IMPG2: variants seen among roughly 807,000 people sequenced by gnomAD.
IMPG2 encodes the protein IPM 200.
Under a neutral mutation model 129.2 loss-of-function variants are expected in IMPG2, and 91 were observed. The ratio of observed to expected loss-of-function variants is 0.70; its 90% CI spans 0.59 to 0.84. The LOEUF is 0.84. Ranked by LOEUF, IMPG2 falls within the 40% of genes least tolerant of loss-of-function variation. IMPG2 has a pLI of 0.00. For synonymous variants in IMPG2, 510 were observed against 517.7 expected, an observed-to-expected ratio of 0.99 and a Z score of 0.20; for missense variants, 1,430 against 1,461.7, an observed-to-expected ratio of 0.98 and a Z score of 0.35.
chr3:101,316,035 T>C (rs2107145999), intron 2 of IMPG2, among the ~76,000 whole-genome samples: 1 of 152,208 alleles, frequency 6.6e-6, no homozygotes, highest in South Asian at 2.1e-4. Flanking sequence ...TAATCTTTTT[T>C]TAACAAATGG....
intron 2 of IMPG2, among the ~76,000 whole-genome samples, chr3:101,315,589 A>G (rs141969053): frequency 1.3e-5 from 2 of 152,272 alleles, no homozygotes; most frequent in East Asian, 3.9e-4. Flanking sequence ...TTTCAGTCTC[A>G]TTCTCAAGAT....
chr3:101,273,735 T>C lies in IMPG2; in HGVS notation c.674A>G (p.Asn225Ser), dbSNP rs751985207. ...TTCTTCTATCACATTCTCAATTTCA[T>C]TGCTAATCTGAATTTTTAGAGAAAG... Reference protein sequence around the residue: ...SLERPEESISNEIENVIEEAT... With the variant: ...SLERPEESISSEIENVIEEAT... The change falls in exon 7 of 19, where the codon AAT (asparagine) becomes AGT (serine). Residue 225 changes from asparagine (N) to serine (S), a missense_variant. Physicochemically the swap from Asn to Ser is conservative, Grantham distance 46. Transcript: ENST00000193391. 6.2e-7 allele frequency: 1 copy of C among 1,613,836 alleles called. No homozygotes were observed. The highest frequency in any genetic ancestry group is 1.3e-5 in the African/African-American group (1 of 74,912).
At chr3:101,263,418 C>A (rs1706690852) in intron 9 of IMPG2, among the ~76,000 whole-genome samples, 1 of 151,708 alleles carries the variant, frequency 6.6e-6, no homozygotes, top group African/African-American at 2.4e-5. Flanking sequence ...TAAAACTATA[C>A]CAATAAAGGA....
At chr3:101,281,787 C>G (rs924683174) in intron 4 of IMPG2, among the ~76,000 whole-genome samples, 1 of 152,010 alleles carries the variant, frequency 6.6e-6, no homozygotes, top group African/African-American at 2.4e-5. Context: ...GTCAGAGTGA[C>G]GGAATGTGAG....
intron 10 of IMPG2, among the ~76,000 whole-genome samples, chr3:101,255,761 T>G (rs1026922088): frequency 2.6e-5 from 4 of 152,076 alleles, no homozygotes; most frequent in African/African-American, 9.7e-5. Flanking sequence ...GTTCACTATT[T>G]TATCTAGCCC....
At chr3:101,246,141 A>G in intron 11 of IMPG2, 36 bp from the exon 12 acceptor site, 1 of 1,599,900 alleles carries the variant, frequency 6.3e-7, no homozygotes, top group Non-Finnish European at 8.5e-7. Context: ...TATCATAGAT[A>G]AAAGAAACAT....
intron 2 of IMPG2, among the ~76,000 whole-genome samples, chr3:101,317,641 A>G (rs1251637477): frequency 6.6e-6 from 1 of 152,186 alleles, no homozygotes; most frequent in Non-Finnish European, 1.5e-5. Flanking sequence ...TACCATGACC[A>G]TAACAGCTAT....
intron 8 of IMPG2, among the ~76,000 whole-genome samples, chr3:101,267,910 A>G (rs1706739081): frequency 6.6e-6 from 1 of 152,202 alleles, no homozygotes. Context: ...GGTACACTGT[A>G]AAGTAGTAAG....
At chr3:101,292,698 T>G (rs759830645) in intron 3 of IMPG2, among the ~76,000 whole-genome samples, 10 of 152,208 alleles carry the variant, frequency 6.6e-5, no homozygotes, top group Non-Finnish European at 1.3e-4. Context: ...GAGTTCCCTG[T>G]GATATGTAAT....
chr3:101,255,334 A>G (rs112198140), intron 10 of IMPG2, among the ~76,000 whole-genome samples: 2 of 152,128 alleles, frequency 1.3e-5, no homozygotes, highest in African/African-American at 4.8e-5. Context: ...GGTACTAGAT[A>G]TTGTAAAGCT....
rs1218323660 is a variant in IMPG2 at position 101,319,693 on chromosome 3, C to A, written c.225G>T (p.Trp75Cys). Residue 75 changes from tryptophan (W) to cysteine (C), a missense_variant, in exon 2 of 19, where the codon TGG (tryptophan) becomes TGT (cysteine). Coordinates refer to ENST00000193391, the MANE Select transcript of IMPG2 (RefSeq NM_016247.4). The part of the protein sequence containing the change: ...PLDRRETERQ[W>C]LIRRRRSILF... ...GAATAGATCTCCGCCTTCTGATTAA[C>A]CACTGTCTTTCAGTTTCTCTGCGGT... 2 of 1,613,696 alleles carry A rather than the reference C, an allele frequency of 1.2e-6. No homozygotes were observed. The highest frequency in any genetic ancestry group is 1.7e-5 in the Admixed American group (1 of 59,910).
In IMPG2 at chr3:101,225,870, T is replaced by C. The variant is rs1310110014; in HGVS notation, c.*1099A>G. 3.9e-5 allele frequency: 6 copies of C among 152,368 alleles called. No individual in the cohort carries two copies. Among genetic ancestry groups the C allele is most frequent in the African/African-American group, 1.4e-4 (6 of 41,420 alleles). The allele number at this position is 152,368 out of a possible 1,614,324, so 9.4% of individuals were successfully genotyped here. The stretch of plus-strand genomic sequence containing the variant: ...GTCAAAATTTATATAAGGTATGGAC[T>C]TCCTATCTGTTCAGTTTTTAAAATA... On this transcript the variant is annotated 3_prime_UTR_variant, in exon 19 of 19. Coordinates refer to ENST00000193391, the MANE Select transcript of IMPG2 (RefSeq NM_016247.4).
chr3:101,264,789 C>T (rs550751622), intron 9 of IMPG2, among the ~76,000 whole-genome samples: 32 of 151,776 alleles, frequency 2.1e-4, no homozygotes, highest in East Asian at 1.9e-3. Flanking sequence ...TGATCTTACA[C>T]GGAGAAAAAC....
chr3:101,317,942 A>G (rs1355605574), intron 2 of IMPG2, among the ~76,000 whole-genome samples: 1 of 151,814 alleles, frequency 6.6e-6, no homozygotes, highest in Non-Finnish European at 1.5e-5. Flanking sequence ...AAGTACGGTG[A>G]GACCCCATCT....
At position 101,242,687 on chromosome 3, in the gene IMPG2, C is replaced by T; in HGVS notation, c.3022+1G>A. On this transcript the variant is annotated splice_donor_variant, in intron 14 of 18. Transcript: ENST00000193391. LOFTEE classifies it high-confidence loss of function. Reference sequence around the variant, plus strand: ...AACCACCATGCTAGGCAATATCATACCTGATTCCACATCAAGAGAGTATTT... The same window carrying T: ...AACCACCATGCTAGGCAATATCATATCTGATTCCACATCAAGAGAGTATTT... 1 of 1,604,028 alleles carries T rather than the reference C, an allele frequency of 6.2e-7. No individual in the cohort carries two copies. The highest frequency in any genetic ancestry group is 8.5e-7 in the Non-Finnish European group (1 of 1,170,926).
intron 11 of IMPG2, among the ~76,000 whole-genome samples, chr3:101,252,868 C>G (rs2107229064): frequency 1.3e-5 from 2 of 152,170 alleles, no homozygotes; most frequent in South Asian, 4.2e-4. Flanking sequence ...TGATATGAGA[C>G]AGAAAATAAA....
chr3:101,229,138 CAA>C (rs36091939), intron 17 of IMPG2, among the ~76,000 whole-genome samples: 32,770 of 132,808 alleles, frequency 0.25, 4,302 homozygotes, highest in African/African-American at 0.36. Flanking sequence ...GTTAATAACG[CAA>C]AAAAAAAAAA....
chr3:101,318,750 T>C (rs2107148012), intron 2 of IMPG2, among the ~76,000 whole-genome samples: 1 of 152,290 alleles, frequency 6.6e-6, no homozygotes, highest in South Asian at 2.1e-4. Context: ...ATCCATATTA[T>C]GGCTTTTTAT....
At chr3:101,229,305 C>CCCCCCCCCCCCCCCCCCACCCCCCCCCA in intron 17 of IMPG2, 75 bp downstream of exon 17, 1 of 892,476 alleles carries the variant, frequency 1.1e-6, no homozygotes. Context: ...TACACACCCC[C>CCCCCCCCCCCCCCCCCCACCCCCCCCCA]ACCCACCACC....
Sources: allele counts gnomAD v4.1 joint callset (sites outside exome capture counted in the v4.1 genomes callset), GRCh38; gene constraint gnomAD v4.1.1; transcripts MANE v1.5; gene names NCBI Gene and HGNC (gene_info 2026-07-23, HGNC 2026-07-21).